Variants in PITPNM2 observed in about 807,000 individuals in gnomAD.
The protein encoded by PITPNM2 is phosphatidylinositol transfer protein membrane associated 2.
A neutral mutation model predicts 132.2 loss-of-function variants in PITPNM2; 35 were observed. The ratio of observed to expected loss-of-function variants is 0.26; its 90% CI spans 0.20 to 0.35. PITPNM2 has a LOEUF of 0.35. PITPNM2 is among the 10% of genes least tolerant of loss of function. The pLI is 1.00. For synonymous variants in PITPNM2, 738 were observed against 799.2 expected (o/e 0.92, Z 1.29); for missense variants, 1,332 against 1,912.0 (o/e 0.70, Z 5.66).
Position 122,997,536 on chromosome 12 carries a change from T to C in PITPNM2, c.1261A>G (p.Lys421Glu). ...AGCACCAGTAGCAGCACGTGGATCT[T>C]GGAGGGCGGTGCAGCCAGCGGCTGG... ...VSQPLAAPPS[K>E]IHVLLLVLHG... is the part of the protein sequence containing the mutation. Residue 421 changes from lysine (K) to glutamate (E), a missense_variant, in exon 11 of 26, where the codon AAG (lysine) becomes GAG (glutamate). Lys to Glu is a moderately conservative substitution (Grantham distance 56). This residue lies in a region of PITPNM2 where 710 missense variants were observed against 911.5 expected (regional missense o/e 0.78). Transcript: ENST00000320201. 2 of 1,612,898 alleles carry C rather than the reference T, an allele frequency of 1.2e-6. No individual in the cohort carries two copies. The highest frequency in any genetic ancestry group is 8.5e-7 in the Non-Finnish European group (1 of 1,179,600).
intron 2 of PITPNM2, among the ~76,000 whole-genome samples, chr12:123,094,744 C>A (rs1054856647): frequency 6.6e-5 from 10 of 152,246 alleles, no homozygotes; most frequent in African/African-American, 2.4e-4. Flanking sequence ...CTAGAAGCAG[C>A]TCCCAGGTGG....
In PITPNM2 at chr12:123,077,716, G is replaced by C. The variant is rs142616090; in HGVS notation, c.-96+32669C>G. ...TCTTCGGAGAGAAAGCAAGCAGCCC[G>C]CGTGACCAGACAGAGCCTTCCTTGC... On this transcript the variant is annotated intron_variant, in intron 2 of 25. Transcript: ENST00000320201. The surrounding 1 kb of genome is among the most constrained non-coding windows in gnomAD (Gnocchi z 4.8). Among the ~76,000 whole-genome samples, 1 of 152,192 alleles carries C rather than the reference G, an allele frequency of 6.6e-6. No homozygotes were observed. Among genetic ancestry groups the C allele is most frequent in the East Asian group, 1.9e-4 (1 of 5,196 alleles).
intron 3 of PITPNM2, among the ~76,000 whole-genome samples, chr12:123,032,404 G>C (rs1221282231): frequency 6.6e-6 from 1 of 152,196 alleles, no homozygotes; most frequent in African/African-American, 2.4e-5. Flanking sequence ...TTGAACCCAG[G>C]AGGTGGAGGT....
chr12:123,100,860 C>T (rs2042547319), intron 2 of PITPNM2, among the ~76,000 whole-genome samples: 1 of 152,218 alleles, frequency 6.6e-6, no homozygotes, highest in Non-Finnish European at 1.5e-5. Context: ...CCACCCCTTC[C>T]ACTGTGTTTC....
chr12:123,057,053 G>A (rs1461990066), intron 2 of PITPNM2, among the ~76,000 whole-genome samples: 1 of 152,090 alleles, frequency 6.6e-6, no homozygotes, highest in Non-Finnish European at 1.5e-5. Context: ...CTTCCTAACC[G>A]GGGAGCATAT....
At chr12:123,096,490 T>G (rs1453942521) in intron 2 of PITPNM2, among the ~76,000 whole-genome samples, 1 of 152,150 alleles carries the variant, frequency 6.6e-6, no homozygotes, top group Non-Finnish European at 1.5e-5. Context: ...TGCCAGAATC[T>G]GCTTCTAGCT....
Position 123,000,867 on chromosome 12 carries a change from C to T in PITPNM2, c.1154-19G>A, listed in dbSNP as rs1041816848. The stretch of plus-strand genomic sequence containing the variant: ...AGACCATCTGCAAAGACACAGAAGC[C>T]GTGCTGTGAGCTGAGGGGCAGCCCA... On this transcript the variant is annotated intron_variant, in intron 9 of 25. Coordinates refer to ENST00000320201, the MANE Select transcript of PITPNM2 (RefSeq NM_020845.3). The surrounding 1 kb of genome is among the most constrained non-coding windows in gnomAD (Gnocchi z 5.4). 1.1e-5 allele frequency: 17 copies of T among 1,613,792 alleles called. No homozygotes were observed. Among genetic ancestry groups the T allele is most frequent in the African/African-American group, 9.3e-5 (7 of 74,924 alleles).
rs1273484051 is a variant in PITPNM2 at position 122,983,488 on chromosome 12, C to G, written c.*2539G>C. ...GTAAAGAGATCCAGAAGGAAGCCTT[C>G]CCGCTTCTTTAATTGGTGTAACAGA... On this transcript the variant is annotated 3_prime_UTR_variant, in exon 26 of 26. Transcript: ENST00000320201. 1.3e-5 allele frequency: 2 copies of G among 152,720 alleles called. No individual in the cohort carries two copies. Among genetic ancestry groups the G allele is most frequent in the African/African-American group, 4.8e-5 (2 of 41,456 alleles). The allele number at this position is 152,720 out of a possible 1,614,324, so 9.5% of individuals were successfully genotyped here.
chr12:123,059,322 T>C (rs2041151824), intron 2 of PITPNM2, among the ~76,000 whole-genome samples: 1 of 152,066 alleles, frequency 6.6e-6, no homozygotes, highest in African/African-American at 2.4e-5. Flanking sequence ...CTGAATTTGG[T>C]AAAAGGTCTC....
intron 20 of PITPNM2, 65 bp downstream of exon 20, chr12:122,988,169 A>T (rs2038019379): frequency 7.2e-7 from 1 of 1,394,922 alleles, no homozygotes; most frequent in South Asian, 1.2e-5. Flanking sequence ...CAGTTTCCTC[A>T]TCTGGACACG....
intron 1 of PITPNM2, among the ~76,000 whole-genome samples, chr12:123,134,375 G>T (rs1486077491): frequency 6.6e-6 from 1 of 152,096 alleles, no homozygotes; most frequent in African/African-American, 2.4e-5. Context: ...ATATGACCAG[G>T]TAAGAGCACA....
intron 1 of PITPNM2, among the ~76,000 whole-genome samples, chr12:123,119,311 C>T (rs185009816): frequency 6.6e-6 from 1 of 151,104 alleles, no homozygotes; most frequent in East Asian, 1.9e-4. Flanking sequence ...GATTAGGTAG[C>T]ACAACTAAAG....
chr12:123,029,623 C>T (rs1357037754), intron 3 of PITPNM2, among the ~76,000 whole-genome samples: 2 of 139,282 alleles, frequency 1.4e-5, no homozygotes, highest in Non-Finnish European at 3.1e-5. Flanking sequence ...AGCACTACCC[C>T]CTTGGGTCTT....
rs528009416 is a variant in PITPNM2 at position 123,023,164 on chromosome 12, G to A, written c.79-9122C>T. On this transcript the variant is annotated intron_variant, in intron 3 of 25. Transcript: ENST00000320201. The surrounding 1 kb of genome is among the most constrained non-coding windows in gnomAD (Gnocchi z 4.8). ...GCTAGGAGTGGCCCTTGCTGCCAAA[G>A]AGCCTGACCCCAGGGTAGAAATGTG... Among the ~76,000 whole-genome samples the A allele has an allele frequency of 6.6e-6, 1 of 152,264 alleles. No homozygotes were observed. Among genetic ancestry groups the A allele is most frequent in the Non-Finnish European group, 1.5e-5 (1 of 68,044 alleles).
At chr12:122,991,554 C>T (rs934349353) in intron 16 of PITPNM2, among the ~76,000 whole-genome samples, 11 of 152,224 alleles carry the variant, frequency 7.2e-5, no homozygotes, top group Non-Finnish European at 4.4e-5. Context: ...TGCTTTGGCT[C>T]TGCCCTGCCT....
chr12:123,032,817 G>A (rs752558364), intron 3 of PITPNM2, among the ~76,000 whole-genome samples: 2 of 152,188 alleles, frequency 1.3e-5, no homozygotes, highest in Non-Finnish European at 2.9e-5. Context: ...AATAATTATC[G>A]GGTAAGTGGT....
At chr12:123,094,383 C>T (rs1419092154) in intron 2 of PITPNM2, among the ~76,000 whole-genome samples, 3 of 152,214 alleles carry the variant, frequency 2.0e-5, no homozygotes, top group Non-Finnish European at 4.4e-5. Flanking sequence ...CTCGGAAAGG[C>T]CCCATGTCTT....
chr12:123,069,983 C>T (rs1240676954), intron 2 of PITPNM2, among the ~76,000 whole-genome samples: 1 of 152,102 alleles, frequency 6.6e-6, no homozygotes, highest in Admixed American at 6.6e-5. Context: ...GGGCTCTGCA[C>T]CCGGTGCTCA....
chr12:122,988,708 C>G lies in PITPNM2; in HGVS notation c.2880+16G>C, dbSNP rs1449491301. The G allele has an allele frequency of 1.3e-6, 2 of 1,551,498 alleles. No individual in the cohort carries two copies. The highest frequency in any genetic ancestry group is 1.7e-6 in the Non-Finnish European group (2 of 1,146,766). ...GTCACTCAGGGCCCTCCTGGGAGGT[C>G]CCAGGCCCCGGGTACCTGTCTCAGC... On this transcript the variant is annotated intron_variant, in intron 19 of 25. Transcript: ENST00000320201.
Sources: allele counts gnomAD v4.1 joint callset (sites outside exome capture counted in the v4.1 genomes callset), GRCh38; gene constraint gnomAD v4.1.1; regional missense constraint gnomAD v4.1.1; non-coding constraint Gnocchi (gnomAD v3.1); transcripts MANE v1.5; gene names NCBI Gene and HGNC (gene_info 2026-07-23, HGNC 2026-07-21).